The following CNTN6 variants were observed in gnomAD, a reference collection of about 807,000 sequenced individuals.
CNTN6 encodes the protein contactin 6.
A neutral mutation model predicts 122.8 loss-of-function variants in CNTN6; 137 were observed. The ratio of observed to expected loss-of-function variants is 1.12; its 90% CI spans 0.97 to 1.29. The LOEUF (loss-of-function observed/expected upper bound fraction) is 1.29. Among genes scored for constraint, CNTN6 ranks in the 50% most tolerant of loss-of-function variants. CNTN6 has a pLI of 0.00. For missense variants in CNTN6, 1,634 were observed against 1,223.4 expected (o/e 1.34, Z -5.01); for synonymous variants, 570 against 426.0 (o/e 1.34, Z -4.16).
chr3:1,166,375 T>G (rs1243221655), intron 2 of CNTN6, among the ~76,000 whole-genome samples: 1 of 152,150 alleles, frequency 6.6e-6, no homozygotes, highest in Non-Finnish European at 1.5e-5. Flanking sequence ...TACACATATA[T>G]TCTTCCTGCA....
At chr3:1,278,227 A>G (rs534054012) in intron 4 of CNTN6, among the ~76,000 whole-genome samples, 186 bp from the exon 5 acceptor site, 1 of 152,242 alleles carries the variant, frequency 6.6e-6, no homozygotes, top group East Asian at 1.9e-4. Flanking sequence ...TTAAAAAGAA[A>G]GAAAGAAACA....
At chr3:1,316,876 A>AT (rs1162626791) in intron 7 of CNTN6, among the ~76,000 whole-genome samples, 3 of 152,074 alleles carry the variant, frequency 2.0e-5, no homozygotes, top group Non-Finnish European at 4.4e-5. Context: ...GAAAAGAGAA[A>AT]TGGTGTCAAA....
At chr3:1,239,700 G>C (rs898264928) in intron 4 of CNTN6, among the ~76,000 whole-genome samples, 1 of 152,164 alleles carries the variant, frequency 6.6e-6, no homozygotes, top group East Asian at 1.9e-4. Context: ...AACCAAAAAA[G>C]AGCCCACACA....
At chr3:1,176,139 C>T (rs1356904211) in intron 2 of CNTN6, among the ~76,000 whole-genome samples, 1 of 152,138 alleles carries the variant, frequency 6.6e-6, no homozygotes, top group Non-Finnish European at 1.5e-5. Context: ...ATTTGGGAAT[C>T]ACCACAACAT....
At position 1,227,822 on chromosome 3, in the gene CNTN6, A is replaced by G; in HGVS notation, c.187A>G (p.Lys63Glu). 6.2e-7 allele frequency: 1 copy of G among 1,612,728 alleles called. No homozygotes were observed. The highest frequency in any genetic ancestry group is 8.5e-7 in the Non-Finnish European group (1 of 1,179,598). ...NGYPSPHYRW[K>E]QNGTDIDFTM... ...TTATTTTTTTTTTCCTTGAAGGTGG[A>G]AGCAAAATGGCACAGACATTGATTT... The change falls in exon 4 of 23, where the codon AAG becomes GAG. Residue 63 changes from lysine to glutamate, a missense_variant. Transcript: ENST00000446702.
chr3:1,123,527 T>C (rs1389241248), intron 1 of CNTN6, among the ~76,000 whole-genome samples: 2 of 152,034 alleles, frequency 1.3e-5, no homozygotes, highest in African/African-American at 4.8e-5. Context: ...AAAACTAATT[T>C]TTATATTTTG....
At chr3:1,300,460 G>GAAGA (rs1559753727) in intron 7 of CNTN6, among the ~76,000 whole-genome samples, 1 of 72,766 alleles carries the variant, frequency 1.4e-5, no homozygotes, top group Non-Finnish European at 2.8e-5. Flanking sequence ...AGGAAGGAAG[G>GAAGA]AAGGAAGGAA....
intron 2 of CNTN6, among the ~76,000 whole-genome samples, chr3:1,190,126 T>C (rs1414443608): frequency 6.6e-6 from 1 of 152,142 alleles, no homozygotes; most frequent in Non-Finnish European, 1.5e-5. Flanking sequence ...TCTCACTGCA[T>C]CCTCACATGG....
intron 2 of CNTN6, among the ~76,000 whole-genome samples, chr3:1,216,321 G>A (rs990301671): frequency 6.6e-6 from 1 of 152,204 alleles, no homozygotes; most frequent in Non-Finnish European, 1.5e-5. Flanking sequence ...CCTATAGGGT[G>A]TGAGGACGAC....
chr3:1,305,944 T>C (rs549477605), intron 7 of CNTN6, among the ~76,000 whole-genome samples: 1 of 152,348 alleles, frequency 6.6e-6, no homozygotes, highest in East Asian at 1.9e-4. Context: ...TTATAGTGTT[T>C]GCTTTTCGTC....
intron 1 of CNTN6, among the ~76,000 whole-genome samples, chr3:1,120,315 C>G (rs1172034995): frequency 6.6e-6 from 1 of 151,906 alleles, no homozygotes; most frequent in Admixed American, 6.6e-5. Context: ...TACATTCCTG[C>G]CAGCAATATA....
rs117102423 is a variant in CNTN6 at position 1,359,951 on chromosome 3, A to G, written c.1492+7500A>G. 1.2e-4 allele frequency among the ~76,000 whole-genome samples: 19 copies of G among 152,076 alleles called. No individual in the cohort carries two copies. The East Asian group carries it at 3.5e-3, about 28-fold the overall frequency. ...CAATTCATTTCCCAAATCTATCTCA[A>G]TAGTCTCCCTTCAATATCAGCCTGC... On this transcript the variant is annotated intron_variant, in intron 12 of 22. Transcript: ENST00000446702.
intron 20 of CNTN6, among the ~76,000 whole-genome samples, chr3:1,387,207 A>G (rs911637196): frequency 6.6e-6 from 1 of 152,228 alleles, no homozygotes; most frequent in Admixed American, 6.5e-5. Context: ...AGAAAATACA[A>G]AGTGCTGTGG....
intron 12 of CNTN6, among the ~76,000 whole-genome samples, chr3:1,368,466 A>G (rs1708537843): frequency 6.6e-6 from 1 of 152,242 alleles, no homozygotes; most frequent in East Asian, 1.9e-4. Context: ...ATGTTACTAC[A>G]GTCTATAAAA....
chr3:1,285,729 C>G (rs188057220), intron 5 of CNTN6, among the ~76,000 whole-genome samples: 44 of 152,136 alleles, frequency 2.9e-4, no homozygotes, highest in Non-Finnish European at 5.4e-4. Context: ...CTCTGGAATT[C>G]GAAAGATCCT....
At chr3:1,111,086 A>G (rs2091460172) in intron 1 of CNTN6, among the ~76,000 whole-genome samples, 1 of 152,222 alleles carries the variant, frequency 6.6e-6, no homozygotes, top group South Asian at 2.1e-4. Context: ...AAGTGAGATT[A>G]TTGAATCTAA....
chr3:1,346,399 C>G (rs1490369940), intron 11 of CNTN6, among the ~76,000 whole-genome samples: 1 of 152,092 alleles, frequency 6.6e-6, no homozygotes, highest in East Asian at 1.9e-4. Context: ...TTAATGCCCT[C>G]CCTCTGGGTT....
At chr3:1,338,610 T>C (rs1337290739) in intron 11 of CNTN6, among the ~76,000 whole-genome samples, 2 of 152,194 alleles carry the variant, frequency 1.3e-5, no homozygotes, top group African/African-American at 2.4e-5. Flanking sequence ...TTCTCCCCTT[T>C]TTGAAAATGT....
intron 5 of CNTN6, among the ~76,000 whole-genome samples, chr3:1,282,653 G>A (rs9842797): frequency 0.01 from 1,566 of 152,268 alleles, 30 homozygotes; most frequent in African/African-American, 0.036. Flanking sequence ...AGCACAGAGA[G>A]GACTGCAATG....
Sources: gnomAD v4.1 joint callset for allele counts (sites outside exome capture counted in the v4.1 genomes callset) on GRCh38, gnomAD v4.1.1 for gene constraint, MANE v1.5 for transcripts, NCBI Gene and HGNC (gene_info 2026-07-23, HGNC 2026-07-21) for gene names.